Variants in EPHA7 observed in about 807,000 individuals in gnomAD.
EPHA7 encodes the protein ephrin type-A receptor 7.
In EPHA7, 25 loss-of-function variants were observed where a neutral mutation model predicts 112.6. That is an observed-to-expected ratio of 0.22 (90% CI 0.16 to 0.31). The LOEUF is 0.31. Among genes scored for constraint, EPHA7 ranks in the 10% least tolerant of loss-of-function variants. The pLI is 1.00. For missense variants in EPHA7, 962 were observed against 1,212.6 expected (o/e 0.79, Z 3.07); for synonymous variants, 437 against 406.5 (o/e 1.07, Z -0.90).
chr6:93,268,249 A>G (rs1240612160), intron 7 of EPHA7, among the ~76,000 whole-genome samples: 1 of 151,716 alleles, frequency 6.6e-6, no homozygotes, highest in African/African-American at 2.4e-5. Flanking sequence ...TATATGTCAA[A>G]ATGATTTCAG....
At chr6:93,347,572 G>A (rs955588372) in intron 5 of EPHA7, among the ~76,000 whole-genome samples, 1 of 151,750 alleles carries the variant, frequency 6.6e-6, no homozygotes, top group African/African-American at 2.4e-5. Flanking sequence ...ATTATCTCAG[G>A]GATGAGTATT....
At chr6:93,308,177 G>A (rs889216129) in intron 5 of EPHA7, among the ~76,000 whole-genome samples, 9 of 151,982 alleles carry the variant, frequency 5.9e-5, no homozygotes, top group Admixed American at 1.3e-4. Flanking sequence ...TTAATCACTC[G>A]AGTGACATGC....
At chr6:93,362,032 A>T (rs75587870) in intron 3 of EPHA7, among the ~76,000 whole-genome samples, 1 of 152,026 alleles carries the variant, frequency 6.6e-6, no homozygotes, top group Admixed American at 6.6e-5. Flanking sequence ...TTCACCTCTT[A>T]TTTTAATAAC....
At chr6:93,358,901 A>G (rs1177067274) in intron 3 of EPHA7, among the ~76,000 whole-genome samples, 2 of 152,204 alleles carry the variant, frequency 1.3e-5, no homozygotes, top group East Asian at 1.9e-4. Context: ...ATAAATAACT[A>G]TGTAAAATTT....
Position 93,260,603 on chromosome 6 carries a change from T to C in EPHA7, c.1799-1124A>G, listed in dbSNP as rs570069960. 52 of 967,548 alleles carry C rather than the reference T, an allele frequency of 5.4e-5. No homozygotes were observed. In the Admixed American group the frequency reaches 1.4e-3, roughly 25 times the overall value. The allele number at this position is 967,548 out of a possible 1,614,324, so 59.9% of individuals were successfully genotyped here. ...GCCTAACTGTGCTTATGTCATCACA[T>C]TAAAACTATATTTTAAAAGTAAACA... On this transcript the variant is annotated intron_variant, in intron 9 of 16. Coordinates refer to ENST00000369303, the MANE Select transcript of EPHA7 (RefSeq NM_004440.4).
At chr6:93,387,280 T>C (rs575951449) in intron 3 of EPHA7, among the ~76,000 whole-genome samples, 5 of 152,244 alleles carry the variant, frequency 3.3e-5, no homozygotes, top group Admixed American at 6.5e-5. Context: ...GTCTCTTTGC[T>C]ACAGCATAGC....
intron 5 of EPHA7, among the ~76,000 whole-genome samples, chr6:93,352,655 T>G (rs953007864): frequency 6.6e-6 from 1 of 152,064 alleles, no homozygotes; most frequent in Non-Finnish European, 1.5e-5. Flanking sequence ...CCATAGTGCT[T>G]GACATGCACT....
chr6:93,262,423 A>AT (rs140821833), intron 9 of EPHA7, among the ~76,000 whole-genome samples: 15,056 of 151,232 alleles, frequency 0.1, 839 homozygotes, highest in Admixed American at 0.14. Context: ...TCAGGGGTAT[A>AT]TTAAGTTTTT....
At chr6:93,414,440 C>T (rs1434164060) in intron 2 of EPHA7, among the ~76,000 whole-genome samples, 1 of 151,808 alleles carries the variant, frequency 6.6e-6, no homozygotes, top group Admixed American at 6.6e-5. Context: ...GCATTTACAG[C>T]CTGGACCCTG....
chr6:93,243,162 C>T lies in EPHA7; in HGVS notation c.*264G>A. The T allele has an allele frequency of 3.1e-6, 1 of 325,320 alleles. No homozygotes were observed. The allele number at this position is 325,320 out of a possible 1,614,324, so 20.2% of individuals were successfully genotyped here. The stretch of plus-strand genomic sequence containing the variant: ...AAGACAAAAAGGAGGTTAGAGAGCT[C>T]AAGGTGTTTGGATGTTTTTCAGGTA... On this transcript the variant is annotated 3_prime_UTR_variant, in exon 17 of 17. Transcript: ENST00000369303.
At chr6:93,270,117 CACT>C (rs1359756211) in intron 6 of EPHA7, among the ~76,000 whole-genome samples, 4 of 151,582 alleles carry the variant, frequency 2.6e-5, no homozygotes. Context: ...ATTCAGATAA[CACT>C]ACTACTATAC....
chr6:93,317,005 G>A (rs941276700), intron 5 of EPHA7, among the ~76,000 whole-genome samples: 40 of 152,104 alleles, frequency 2.6e-4, no homozygotes, highest in African/African-American at 8.9e-4. Context: ...TACCTGCTGC[G>A]CTTATGAGGG....
At position 93,356,871 on chromosome 6, in the gene EPHA7, G is replaced by A; in HGVS notation, c.1170C>T (p.Pro390=). 1 of 1,614,086 alleles carries A rather than the reference G, an allele frequency of 6.2e-7. No homozygotes were observed. ...VPCGSNIGYM[P]QQTGLEDNYV... The stretch of plus-strand genomic sequence containing the variant: ...AGTTATCCTCTAATCCAGTCTGCTG[G>A]GGCATGTATCCAATGTTACTCCCAC... The change falls in exon 5 of 17, where the codon CCC becomes CCT. Residue 390 remains proline (P), a synonymous_variant. Transcript: ENST00000369303.
chr6:93,415,812 T>C (rs981541944), intron 1 of EPHA7, among the ~76,000 whole-genome samples: 1 of 152,146 alleles, frequency 6.6e-6, no homozygotes, highest in Non-Finnish European at 1.5e-5. Flanking sequence ...AATTTTTACT[T>C]AAAATACATG....
Position 93,358,267 on chromosome 6 carries a change from A to G in EPHA7, c.977T>C (p.Val326Ala). 3.1e-6 allele frequency: 5 copies of G among 1,610,918 alleles called. No individual in the cohort carries two copies. The highest frequency in any genetic ancestry group is 4.2e-6 in the Non-Finnish European group (5 of 1,178,336). Reference sequence around the variant, plus strand: ...ATAATACAACTCACTTGTGCACGCAACGTATGGTGGGTCAGATGGAGCCCT... The same window carrying G: ...ATAATACAACTCACTTGTGCACGCAGCGTATGGTGGGTCAGATGGAGCCCT... ...YYRAPSDPPY[V>A]ACTRPPSAPQ... Residue 326 changes from valine to alanine, a missense_variant, in exon 4 of 17, where the codon GTT (valine) becomes GCT (alanine). By Grantham distance (64) the Val-to-Ala change is moderately conservative. Coordinates refer to ENST00000369303, the MANE Select transcript of EPHA7 (RefSeq NM_004440.4).
In EPHA7 at chr6:93,292,233, C is replaced by G. The variant is rs184749807; in HGVS notation, c.1325-19811G>C. ...TAAATGCTCTCCCTCCCCTTGCCCC[C>G]AACTTATTACTTTTATTTTTTAATA... On this transcript the variant is annotated intron_variant, in intron 5 of 16. Coordinates refer to ENST00000369303, the MANE Select transcript of EPHA7 (RefSeq NM_004440.4). Among the ~76,000 whole-genome samples the G allele has an allele frequency of 7.0e-4, 106 of 152,214 alleles. 1 individual carries two copies. The highest frequency in any genetic ancestry group is 2.5e-3 in the African/African-American group (102 of 41,552).
At chr6:93,398,824 G>T (rs1483317467) in intron 3 of EPHA7, among the ~76,000 whole-genome samples, 2 of 152,068 alleles carry the variant, frequency 1.3e-5, no homozygotes, top group African/African-American at 4.8e-5. Flanking sequence ...CAGTTCTCCT[G>T]TATATAATGT....
intron 3 of EPHA7, among the ~76,000 whole-genome samples, chr6:93,399,373 A>T (rs1778330338): frequency 6.6e-6 from 1 of 152,104 alleles, no homozygotes; most frequent in Admixed American, 6.6e-5. Flanking sequence ...ATCTACTTGA[A>T]AATAAAGAAG....
At chr6:93,345,025 A>G (rs554206697) in intron 5 of EPHA7, among the ~76,000 whole-genome samples, 1 of 151,748 alleles carries the variant, frequency 6.6e-6, no homozygotes, top group African/African-American at 2.4e-5. Context: ...TTAGGAATAT[A>G]TATGTACTCA....
Sources: allele counts gnomAD v4.1 joint callset (sites outside exome capture counted in the v4.1 genomes callset), GRCh38; gene constraint gnomAD v4.1.1; transcripts MANE v1.5; gene names NCBI Gene and HGNC (gene_info 2026-07-23, HGNC 2026-07-21).